Variants in PRH1 observed in about 807,000 individuals in gnomAD.
PRH1 encodes proline rich protein HaeIII subfamily 1.
In PRH1, 7 loss-of-function variants were observed where a neutral mutation model predicts 7.9. The ratio of observed to expected loss-of-function variants is 0.89; its 90% CI spans 0.50 to 1.67. PRH1 has a LOEUF of 1.67. Ranked by LOEUF, PRH1 falls within the 40% of genes most tolerant of loss-of-function variation. The pLI, the probability that PRH1 is intolerant of heterozygous loss-of-function variation, is 0.00. For missense variants in PRH1, 109 were observed against 223.6 expected (o/e 0.49, Z 3.27); for synonymous variants, 45 against 80.8 (o/e 0.56, Z 2.38).
At chr12:10,970,846 G>A (rs1317213900) in intron 2 of PRH1, among the ~76,000 whole-genome samples, 1 of 152,102 alleles carries the variant, frequency 6.6e-6, no homozygotes, top group South Asian at 2.1e-4. Context: ...GATTACAGGC[G>A]TGAGCCACTT....
intron 2 of PRH1, among the ~76,000 whole-genome samples, chr12:10,918,046 A>C (rs1242149214): frequency 3.3e-5 from 5 of 152,230 alleles, no homozygotes; most frequent in African/African-American, 1.2e-4. Context: ...AGCCTTAAAA[A>C]GGAACAAGAT....
At chr12:11,034,283 T>C (rs35746843) in intron 1 of PRH1, among the ~76,000 whole-genome samples, 6,878 of 19,230 alleles carry the variant, frequency 0.36, 1,761 homozygotes, top group Non-Finnish European at 0.45. Context: ...ATTTGGCCAG[T>C]TTCTTTTTTG....
intron 1 of PRH1, among the ~76,000 whole-genome samples, chr12:10,993,497 T>C (rs1332805621): frequency 1.3e-5 from 2 of 152,174 alleles, no homozygotes; most frequent in Admixed American, 6.5e-5. Context: ...CAGTGACCTA[T>C]AACATAGATG....
chr12:11,030,642 T>C (rs1437558536), intron 1 of PRH1: 2 of 1,614,200 alleles, frequency 1.2e-6, no homozygotes, highest in South Asian at 1.1e-5. Context: ...AGGAAAAAGA[T>C]CACAGTTTGC....
intron 1 of PRH1, among the ~76,000 whole-genome samples, chr12:10,977,286 AT>A (rs1242150622): frequency 6.6e-6 from 1 of 152,228 alleles, no homozygotes; most frequent in African/African-American, 2.4e-5. Flanking sequence ...AGTGTGCTTC[AT>A]CACATAAGCA....
intron 1 of PRH1, chr12:10,986,953 T>C (rs1939673149): frequency 1.1e-6 from 1 of 877,128 alleles, no homozygotes; most frequent in African/African-American, 1.7e-5. Context: ...GTGCATCTGA[T>C]TTCTGAATGT....
chr12:11,056,968 T>G (rs939075934), intron 1 of PRH1, among the ~76,000 whole-genome samples: 1 of 152,274 alleles, frequency 6.6e-6, no homozygotes, highest in Non-Finnish European at 1.5e-5. Flanking sequence ...TTTGAACCTG[T>G]TTTACTTGAT....
intron 1 of PRH1, among the ~76,000 whole-genome samples, chr12:11,061,204 A>G (rs1943584552): frequency 1.6e-5 from 2 of 123,612 alleles, no homozygotes; most frequent in Non-Finnish European, 1.8e-5. Context: ...ATATATACAT[A>G]CGCACTTTTT....
intron 1 of PRH1, among the ~76,000 whole-genome samples, chr12:11,152,266 T>C (rs905533877): frequency 2.4e-5 from 3 of 127,042 alleles, no homozygotes; most frequent in Non-Finnish European, 1.6e-5. Context: ...CGGTGTGTGA[T>C]GTTTATTATA....
chr12:11,048,161 TATAGATAGATAGATAG>T (rs1555147091), upstream of PRH1, among the ~76,000 whole-genome samples: 7 of 139,092 alleles, frequency 5.0e-5, no homozygotes, highest in African/African-American at 7.8e-5. Flanking sequence ...TGTGTGTGTG[TATAGATAGATAGATAG>T]ATAGATAGAT....
rs1945979119 is a variant in PRH1, at chr12:11,123,315, C to T, written n.40-2135G>A. ...ACATTCTTTCACATATCATTTGCTA[C>T]AATTCCTTTGTGTATATATATCTGG... On this transcript the variant is annotated intron_variant and non_coding_transcript_variant, in intron 1 of 1. Coordinates refer to the PRH1 transcript ENST00000541175. 6.9e-5 allele frequency among the ~76,000 whole-genome samples: 5 copies of T among 72,918 alleles called. No homozygotes were observed. The Admixed American group carries it at 7.8e-4, about 11-fold the overall frequency. The allele number at this position is 72,918 out of a possible 152,430, so 47.8% of individuals were successfully genotyped here.
At chr12:11,044,648 C>A (rs1031183917) in intron 1 of PRH1, among the ~76,000 whole-genome samples, 3 of 152,012 alleles carry the variant, frequency 2.0e-5, no homozygotes, top group African/African-American at 7.2e-5. Flanking sequence ...TTTGAATATG[C>A]ATTTCTCAAA....
intron 1 of PRH1, among the ~76,000 whole-genome samples, chr12:11,121,332 A>G (rs2136324841): frequency 6.6e-6 from 1 of 152,330 alleles, no homozygotes; most frequent in South Asian, 2.1e-4. Flanking sequence ...TGTTTCATTC[A>G]GTTATGATCC....
chr12:11,088,530 A>T (rs1331320402), intron 1 of PRH1, among the ~76,000 whole-genome samples: 1 of 108,252 alleles, frequency 9.2e-6, no homozygotes, highest in Non-Finnish European at 2.1e-5. Context: ...TCCCTAGACC[A>T]CACGTTGAAA....
intron 1 of PRH1, among the ~76,000 whole-genome samples, chr12:11,122,239 C>T (rs1451591508): frequency 6.6e-6 from 1 of 152,230 alleles, no homozygotes; most frequent in East Asian, 1.9e-4. Context: ...TTACACTGTT[C>T]CCAGAAGAAG....
intron 1 of PRH1, among the ~76,000 whole-genome samples, chr12:10,988,880 C>T (rs1939786461): frequency 6.6e-6 from 1 of 152,122 alleles, no homozygotes; most frequent in South Asian, 2.1e-4. Flanking sequence ...GATCTCAGCT[C>T]ACTGCAACCT....
intron 1 of PRH1, among the ~76,000 whole-genome samples, chr12:11,055,629 G>A (rs1476892391): frequency 6.6e-6 from 1 of 152,190 alleles, no homozygotes; most frequent in Non-Finnish European, 1.5e-5. Context: ...GTTTCATGCT[G>A]ATGTTGAAGT....
intron 2 of PRH1, among the ~76,000 whole-genome samples, chr12:10,955,003 C>G (rs1937880223): frequency 6.6e-6 from 1 of 152,018 alleles, no homozygotes; most frequent in South Asian, 2.1e-4. Context: ...AACACCCCAC[C>G]AACAGCACTA....
At chr12:11,170,332 G>A (rs896429006) in intron 1 of PRH1, among the ~76,000 whole-genome samples, 8 of 152,114 alleles carry the variant, frequency 5.3e-5, no homozygotes, top group Admixed American at 1.3e-4. Context: ...AGATCACGAG[G>A]TCAGGAGATC....
Sources: allele counts gnomAD v4.1 joint callset (sites outside exome capture counted in the v4.1 genomes callset), GRCh38; gene constraint gnomAD v4.1.1; transcripts MANE v1.5; gene names NCBI Gene and HGNC (gene_info 2026-07-23, HGNC 2026-07-21).